EIF3C: variants seen among roughly 807,000 people sequenced by gnomAD.
EIF3C encodes eukaryotic translation initiation factor 3 subunit C, also known as cell migration-inducing protein 17.
Under a neutral mutation model 11.1 loss-of-function variants are expected in EIF3C, and 2 were observed. The observed-to-expected ratio is 0.18, with a 90% CI of 0.07 to 0.57. EIF3C has a LOEUF of 0.57. EIF3C is among the 20% of genes least tolerant of loss of function. EIF3C has a pLI of 0.92. For missense variants in EIF3C, 16 were observed against 114.6 expected, an observed-to-expected ratio of 0.14 and a Z score of 3.93; for synonymous variants, 2 against 41.5, an observed-to-expected ratio of 0.05 and a Z score of 3.66.
At chr16:28,729,825 T>G (rs1176610296) in intron 15 of EIF3C, among the ~76,000 whole-genome samples, 1 of 149,060 alleles carries the variant, frequency 6.7e-6, no homozygotes, top group South Asian at 2.2e-4. Flanking sequence ...TCAGGCATAG[T>G]GGTGCACGCC....
intron 9 of EIF3C, 29 bp downstream of exon 9, chr16:28,723,352 G>A: frequency 1.2e-6 from 2 of 1,613,328 alleles, no homozygotes; most frequent in Non-Finnish European, 1.7e-6. Context: ...AAATGAATTG[G>A]GGAACAGTTT....
chr16:28,697,209 A>G lies in EIF3C; in HGVS notation c.-31+8381A>G, dbSNP rs1384555553. On this transcript the variant is annotated intron_variant, in intron 1 of 20. Transcript: ENST00000566501. ...TTTTTTTTTTTTAATTTATTTTTTT[A>G]TTGATAATTCTTGGGTGTTTCTCAC... Among the ~76,000 whole-genome samples, 2 of 10,742 alleles carry G rather than the reference A, an allele frequency of 1.9e-4. 1 individual carries two copies. The allele number at this position is 10,742 out of a possible 152,430, so 7.0% of individuals were successfully genotyped here.
chr16:28,698,681 C>T (rs1490029263), intron 1 of EIF3C, among the ~76,000 whole-genome samples: 1 of 58,804 alleles, frequency 1.7e-5, no homozygotes, highest in Admixed American at 1.5e-4. Context: ...TCAGACGGGG[C>T]AGCTGCCGGG....
intron 1 of EIF3C, among the ~76,000 whole-genome samples, chr16:28,699,734 G>A (rs1160040265): frequency 3.6e-5 from 3 of 83,450 alleles, no homozygotes; most frequent in African/African-American, 5.3e-5. Flanking sequence ...AGTAGAGATG[G>A]GGTTTCACCA....
At chr16:28,700,699 G>A in intron 1 of EIF3C, 2 of 168,030 alleles carry the variant, frequency 1.2e-5, no homozygotes, top group South Asian at 2.9e-4. Context: ...GAATCTCAGT[G>A]AAGAACTGCC....
intron 1 of EIF3C, among the ~76,000 whole-genome samples, chr16:28,698,115 C>T (rs2048251934): frequency 2.3e-5 from 2 of 85,818 alleles, no homozygotes; most frequent in African/African-American, 5.7e-5. Flanking sequence ...GGCGGCTGGC[C>T]GGGCGGGGGG....
intron 10 of EIF3C, among the ~76,000 whole-genome samples, chr16:28,723,773 CTTTTT>C (rs1157386167): frequency 7.6e-4 from 3 of 3,942 alleles, no homozygotes; most frequent in East Asian, 4.2e-3. Context: ...ATGTTCTCCT[CTTTTT>C]TTTTTTTTTT....
In EIF3C at chr16:28,699,458, G is replaced by GGGAGAC. The variant is rs1282843013; in HGVS notation, c.-31+10654_-31+10659dup. ...GCATGAGAGGGAGACCGTGGGGAGA[G>GGGAGAC]GGAGACGGAGACGGAGACGGAGACG... On this transcript the variant is annotated intron_variant, in intron 1 of 20. Transcript: ENST00000566501. 1.1e-3 allele frequency among the ~76,000 whole-genome samples: 108 copies of GGGAGAC among 94,482 alleles called. 2 individuals are homozygous for GGGAGAC. The East Asian group carries it at 0.015, about 14-fold the overall frequency. 62.0% of individuals were successfully genotyped at this position (94,482 alleles called of 152,430 possible).
chr16:28,728,521 G>GTGTGT (rs1555491255), intron 15 of EIF3C, among the ~76,000 whole-genome samples: 1 of 87,074 alleles, frequency 1.1e-5, no homozygotes, highest in Non-Finnish European at 2.9e-5. Flanking sequence ...ATCTTTTAGG[G>GTGTGT]GTGTGTGTGT....
intron 1 of EIF3C, among the ~76,000 whole-genome samples, chr16:28,704,258 A>AAAAC: frequency 2.1e-5 from 1 of 47,330 alleles, no homozygotes; most frequent in African/African-American, 1.6e-4. Context: ...TCCATCTCAA[A>AAAAC]AAACAAACAA....
At chr16:28,699,451 GGGGAGA>G (rs1170687043) in intron 1 of EIF3C, among the ~76,000 whole-genome samples, 1 of 95,768 alleles carries the variant, frequency 1.0e-5, no homozygotes, top group East Asian at 3.8e-4. Context: ...GGGAGACCGT[GGGGAGA>G]GGGAGACGGA....
In EIF3C at chr16:28,698,568, C is replaced by G. The variant is rs1290216904; in HGVS notation, c.-31+9740C>G. 1.6e-4 allele frequency among the ~76,000 whole-genome samples: 15 copies of G among 95,818 alleles called. 4 individuals are homozygous for G. Among genetic ancestry groups the G allele is most frequent in the African/African-American group, 3.4e-4 (4 of 11,820 alleles). The allele number at this position is 95,818 out of a possible 152,430, so 62.9% of individuals were successfully genotyped here. A position where few individuals can be genotyped will look rare whatever the true frequency, so the allele number is the denominator to read the frequency against. On this transcript the variant is annotated intron_variant, in intron 1 of 20. Coordinates refer to the EIF3C transcript ENST00000566501. ...CCTCCCTCCCGGACGGGGTGGCTGC[C>G]GGGCGGAGACGCTCCTCACTTCCCA...
chr16:28,704,179 C>T (rs1596706688), intron 1 of EIF3C, among the ~76,000 whole-genome samples: 1 of 40,198 alleles, frequency 2.5e-5, no homozygotes, highest in Non-Finnish European at 4.4e-5. Context: ...CGCTTAAACC[C>T]GGGAGGCAGA....
intron 1 of EIF3C, chr16:28,700,327 A>G: frequency 2.9e-6 from 1 of 342,434 alleles, no homozygotes. Context: ...TCTTGGGAAC[A>G]GCTTCCAGCA....
At chr16:28,712,267 A>G (rs1322904137) in intron 2 of EIF3C, 1 of 71,608 alleles carries the variant, frequency 1.4e-5, no homozygotes, top group African/African-American at 4.8e-5. Flanking sequence ...ATTTCTGTAC[A>G]TTAATTTTTT....
chr16:28,697,990 CG>C (rs1312924039), intron 1 of EIF3C, among the ~76,000 whole-genome samples: 7 of 20,986 alleles, frequency 3.3e-4, no homozygotes, highest in Non-Finnish European at 4.5e-4. Flanking sequence ...GCTGGCCGGG[CG>C]GGGGGGCTGA....
intron 1 of EIF3C, among the ~76,000 whole-genome samples, chr16:28,698,001 A>C (rs1238729323): frequency 1.2e-4 from 2 of 17,162 alleles, no homozygotes; most frequent in Non-Finnish European, 8.8e-5. Flanking sequence ...GGGGGGGCTG[A>C]CCCCCCCCAC....
chr16:28,698,141 C>T (rs2048252421), intron 1 of EIF3C, among the ~76,000 whole-genome samples: 2 of 98,178 alleles, frequency 2.0e-5, no homozygotes, highest in African/African-American at 4.4e-5. Flanking sequence ...CCCCCCCCAC[C>T]TCCCTCCCGG....
intron 15 of EIF3C, among the ~76,000 whole-genome samples, chr16:28,728,519 G>T (rs1167526641): frequency 2.6e-5 from 2 of 77,080 alleles, no homozygotes; most frequent in Non-Finnish European, 6.6e-5. Context: ...GTATCTTTTA[G>T]GGGTGTGTGT....
Sources: gnomAD v4.1 joint callset for allele counts (sites outside exome capture counted in the v4.1 genomes callset) on GRCh38, gnomAD v4.1.1 for gene constraint, MANE v1.5 for transcripts, NCBI Gene and HGNC (gene_info 2026-07-23, HGNC 2026-07-21) for gene names.